Variants in FOCAD observed in about 807,000 individuals in gnomAD.
The protein encoded by FOCAD is focadhesin.
Under a neutral mutation model 225.6 loss-of-function variants are expected in FOCAD, and 198 were observed. That is an observed-to-expected ratio of 0.88 (90% CI 0.78 to 0.99). The LOEUF is 0.99. FOCAD is among the 50% of genes least tolerant of loss of function. The pLI is 0.00. For missense variants in FOCAD, 2,713 were observed against 2,123.6 expected (o/e 1.28, Z -5.46); for synonymous variants, 897 against 755.0 (o/e 1.19, Z -3.08).
chr9:20,943,808 A>G (rs1440143430), intron 28 of FOCAD, among the ~76,000 whole-genome samples: 1 of 152,222 alleles, frequency 6.6e-6, no homozygotes, highest in African/African-American at 2.4e-5. Context: ...TTTAAAAAAC[A>G]ATGACAAAAG....
intron 4 of FOCAD, among the ~76,000 whole-genome samples, chr9:20,721,927 C>G (rs1304976492): frequency 1.7e-5 from 1 of 59,592 alleles, no homozygotes; most frequent in African/African-American, 7.1e-5. Context: ...TCCCCTTCCT[C>G]TCCCCTCCCC....
chr9:20,849,200 C>T lies in FOCAD; in HGVS notation c.1921-13378C>T, dbSNP rs187163895. ...TTCCATATAGACATCTCCCTCCTTT[C>T]CTAGACTCCAGGACCCTCTACTTTC... On this transcript the variant is annotated intron_variant, in intron 15 of 43. Transcript: ENST00000338382. Among the ~76,000 whole-genome samples, 176 of 152,046 alleles carry T rather than the reference C, an allele frequency of 1.2e-3. 1 individual carries two copies. Among genetic ancestry groups the T allele is most frequent in the Non-Finnish European group, 1.9e-3 (132 of 67,934 alleles).
At chr9:20,973,006 C>T (rs1478708556) in intron 35 of FOCAD, among the ~76,000 whole-genome samples, 1 of 150,776 alleles carries the variant, frequency 6.6e-6, no homozygotes, top group African/African-American at 2.4e-5. Context: ...CTGGTTCCCT[C>T]TTCTTTCAGC....
chr9:20,736,644 G>C lies in FOCAD; in HGVS notation c.288-3592G>C, dbSNP rs1586974752. On this transcript the variant is annotated intron_variant, in intron 4 of 43. Transcript: ENST00000338382. ...CTTACACAGCGTCATCTGAAAGAGG[G>C]AAGAACATTATTATCTTTATGTTAT... Among the ~76,000 whole-genome samples, 3 of 152,232 alleles carry C rather than the reference G, an allele frequency of 2.0e-5. No homozygotes were observed. The East Asian group carries it at 5.8e-4, about 29-fold the overall frequency.
intron 7 of FOCAD, 115 bp downstream of exon 7, chr9:20,765,188 G>A (rs1378408052): frequency 1.7e-5 from 14 of 832,694 alleles, no homozygotes; most frequent in Middle Eastern, 2.6e-4. Flanking sequence ...CATGATCCTC[G>A]CTCTAGAAAT....
At chr9:20,971,505 T>A (rs994106036) in intron 35 of FOCAD, among the ~76,000 whole-genome samples, 2 of 151,996 alleles carry the variant, frequency 1.3e-5, no homozygotes, top group African/African-American at 4.8e-5. Flanking sequence ...AATGGTGCAA[T>A]CTTGGCTCAC....
chr9:20,804,917 A>C (rs914053417), intron 11 of FOCAD, among the ~76,000 whole-genome samples: 2 of 152,196 alleles, frequency 1.3e-5, no homozygotes, highest in Non-Finnish European at 2.9e-5. Flanking sequence ...TCACTTAAAA[A>C]AATTTACCTA....
At chr9:20,888,440 AT>A (rs1194871506) in intron 21 of FOCAD, among the ~76,000 whole-genome samples, 1 of 151,974 alleles carries the variant, frequency 6.6e-6, no homozygotes, top group Admixed American at 6.6e-5. Flanking sequence ...CCTGGCCTTC[AT>A]TTTTTTATAA....
chr9:20,866,118 A>T lies in FOCAD; in HGVS notation c.2106+142A>T, dbSNP rs540450159. On this transcript the variant is annotated intron_variant, in intron 17 of 43. Transcript: ENST00000338382. Reference sequence around the variant, plus strand: ...ATTTTTAAAAAAAGTGTGATTATTCATAAGTTTTGGTTTTAAAAATTATGC... The same window carrying T: ...ATTTTTAAAAAAAGTGTGATTATTCTTAAGTTTTGGTTTTAAAAATTATGC... 1.5e-5 allele frequency: 11 copies of T among 712,920 alleles called. No homozygotes were observed. In the African/African-American group the frequency reaches 1.9e-4, roughly 12 times the overall value. 44.2% of individuals were successfully genotyped at this position (712,920 alleles called of 1,614,324 possible).
rs1047876036 is a variant in FOCAD at position 20,773,376 on chromosome 9, T to C, written c.906+3138T>C. Among the ~76,000 whole-genome samples, 3 of 152,198 alleles carry C rather than the reference T, an allele frequency of 2.0e-5. No individual in the cohort carries two copies. In the South Asian group the frequency reaches 6.2e-4, roughly 32 times the overall value. On this transcript the variant is annotated intron_variant, in intron 8 of 43. Coordinates refer to ENST00000338382, the MANE Select transcript of FOCAD (RefSeq NM_001375567.1). ...GTTACAAATGCACATGCCTGGGCCT[T>C]ATCCCTAATGATATTGAATTAGCAG...
chr9:20,672,377 C>T (rs1466965367), intron 2 of FOCAD, among the ~76,000 whole-genome samples: 2 of 152,150 alleles, frequency 1.3e-5, no homozygotes, highest in Non-Finnish European at 2.9e-5. Flanking sequence ...ATATCAAGCC[C>T]TATGGCCTTT....
intron 18 of FOCAD, among the ~76,000 whole-genome samples, chr9:20,870,367 CT>C (rs1829653663): frequency 6.6e-6 from 1 of 152,110 alleles, no homozygotes; most frequent in Admixed American, 6.6e-5. Context: ...TGCACAAACT[CT>C]TGGATTTCCA....
At chr9:20,971,745 T>C (rs1839786438) in intron 35 of FOCAD, among the ~76,000 whole-genome samples, 1 of 152,124 alleles carries the variant, frequency 6.6e-6, no homozygotes, top group Non-Finnish European at 1.5e-5. Context: ...CATTAAACAA[T>C]AACTCCCTTT....
chr9:20,802,391 T>C lies in FOCAD; in HGVS notation c.1455+12783T>C, dbSNP rs1035560322. On this transcript the variant is annotated intron_variant, in intron 11 of 43. Coordinates refer to ENST00000338382, the MANE Select transcript of FOCAD (RefSeq NM_001375567.1). ...GGACAAAGTGTCTTTACACTTCCTT[T>C]TGAAGTGTCCTATAGTTATCTTGAA... Among the ~76,000 whole-genome samples the C allele has an allele frequency of 1.3e-5, 2 of 152,136 alleles. 1 individual carries two copies. The highest frequency in any genetic ancestry group is 3.9e-4 in the East Asian group (2 of 5,154).
intron 35 of FOCAD, among the ~76,000 whole-genome samples, chr9:20,971,038 A>G (rs1254066897): frequency 1.3e-5 from 2 of 152,066 alleles, no homozygotes; most frequent in African/African-American, 4.8e-5. Flanking sequence ...GCTGTGGGCT[A>G]TGTTCAGTGA....
intron 11 of FOCAD, among the ~76,000 whole-genome samples, chr9:20,812,513 C>G (rs533098711): frequency 6.6e-6 from 1 of 151,854 alleles, no homozygotes; most frequent in Non-Finnish European, 1.5e-5. Flanking sequence ...TTTTCTGAAT[C>G]CAGAGTTGAA....
chr9:20,995,504 T>C, intron 43 of FOCAD, 52 bp from the exon 44 acceptor site: 2 of 1,477,576 alleles, frequency 1.4e-6, no homozygotes, highest in Non-Finnish European at 1.9e-6. Context: ...GACACCTTTT[T>C]GATCAAAATG....
Position 20,946,721 on chromosome 9 carries a change from C to G in FOCAD, c.3576C>G (p.Ser1192Arg). Residue 1192 changes from serine (S) to arginine (R), a missense_variant, in exon 30 of 44, where the codon AGC becomes AGG. Coordinates refer to ENST00000338382, the MANE Select transcript of FOCAD (RefSeq NM_001375567.1). Reference sequence around the variant, plus strand: ...CTCAGGTCCTTGCCTACACACTTAGCTGTGTATGTACATCAGCGTTCAGTG... The same window carrying G: ...CTCAGGTCCTTGCCTACACACTTAGGTGTGTATGTACATCAGCGTTCAGTG... ...TFQEVLAYTL[S>R]CVCTSAFSAG... is the part of the protein sequence containing the mutation. 1 of 1,613,246 alleles carries G rather than the reference C, an allele frequency of 6.2e-7. No individual in the cohort carries two copies. The highest frequency in any genetic ancestry group is 8.5e-7 in the Non-Finnish European group (1 of 1,179,496).
intron 1 of FOCAD, among the ~76,000 whole-genome samples, chr9:20,695,457 C>A (rs1823287246): frequency 6.6e-6 from 1 of 152,040 alleles, no homozygotes. Context: ...TTTCTTAAGC[C>A]CGTAAACATG....
Sources: allele counts gnomAD v4.1 joint callset (sites outside exome capture counted in the v4.1 genomes callset), GRCh38; gene constraint gnomAD v4.1.1; transcripts MANE v1.5; gene names NCBI Gene and HGNC (gene_info 2026-07-23, HGNC 2026-07-21).